The following ANGEL2 variants were observed in gnomAD, a reference collection of about 807,000 sequenced individuals.
ANGEL2 encodes angel homolog 2.
In ANGEL2, 41 loss-of-function variants were observed where a neutral mutation model predicts 66.0. That is an observed-to-expected ratio of 0.62 (90% CI 0.48 to 0.81). The LOEUF (loss-of-function observed/expected upper bound fraction) is 0.81, where lower values mean the gene tolerates loss of function less well. Among genes scored for constraint, ANGEL2 ranks in the 30% least tolerant of loss-of-function variants. The probability of loss-of-function intolerance (pLI) is 0.00; values close to 1 mark genes in which losing one functional copy is unlikely to be tolerated. For synonymous variants in ANGEL2, 208 were observed against 226.5 expected (o/e 0.92, Z 0.73); for missense variants, 561 against 641.6 (o/e 0.87, Z 1.36).
Position 212,993,042 on chromosome 1 carries a change from C to T in ANGEL2, c.*1999G>A, listed in dbSNP as rs1389498675. 3 of 152,226 alleles carry T rather than the reference C, an allele frequency of 2.0e-5. No individual in the cohort carries two copies. The highest frequency in any genetic ancestry group is 1.3e-4 in the Admixed American group (2 of 15,282). 9.4% of individuals were successfully genotyped at this position (152,226 alleles called of 1,614,324 possible). On this transcript the variant is annotated 3_prime_UTR_variant, in exon 9 of 9. Coordinates refer to ENST00000366962, the MANE Select transcript of ANGEL2 (RefSeq NM_144567.5). ...CCCCCAAAGGCCAGGCATGGTGGCT[C>T]ATGCCTGTAATCACAGCACTTTGGG...
intron 2 of ANGEL2, chr1:213,011,286 G>A: frequency 7.8e-7 from 1 of 1,279,932 alleles, no homozygotes; most frequent in Non-Finnish European, 1.0e-6. Flanking sequence ...GGCCTGATCA[G>A]GTTTTTAGGG....
At chr1:213,011,254 G>A (rs1292872039) in intron 2 of ANGEL2, 2 of 1,288,896 alleles carry the variant, frequency 1.6e-6, no homozygotes, top group Non-Finnish European at 2.0e-6. Context: ...GAAGACAGAT[G>A]AATCAAAGAA....
At chr1:213,008,162 C>A in intron 3 of ANGEL2, 48 bp downstream of exon 3, 1 of 1,583,182 alleles carries the variant, frequency 6.3e-7, no homozygotes, top group Non-Finnish European at 8.6e-7. Context: ...GTGTGCCCGG[C>A]CCCAACTTTT....
At chr1:213,009,717 T>C (rs2076444929) in intron 2 of ANGEL2, among the ~76,000 whole-genome samples, 1 of 152,202 alleles carries the variant, frequency 6.6e-6, no homozygotes, top group Non-Finnish European at 1.5e-5. Flanking sequence ...AATCAAAATA[T>C]CAATATGCTA....
At chr1:213,012,947 C>A (rs2076545276) in intron 2 of ANGEL2, 146 bp downstream of exon 2, 2 of 714,824 alleles carry the variant, frequency 2.8e-6, no homozygotes, top group Non-Finnish European at 4.5e-6. Context: ...AGGAAGAATT[C>A]ATTTTTTTCT....
chr1:212,993,965 A>C lies in ANGEL2; in HGVS notation c.*1076T>G, dbSNP rs1367597823. 3 of 152,178 alleles carry C rather than the reference A, an allele frequency of 2.0e-5. No homozygotes were observed. Among genetic ancestry groups the C allele is most frequent in the Non-Finnish European group, 4.4e-5 (3 of 68,032 alleles). 9.4% of individuals were successfully genotyped at this position (152,178 alleles called of 1,614,324 possible). A position where few individuals can be genotyped will look rare whatever the true frequency, so the allele number is the denominator to read the frequency against. On this transcript the variant is annotated 3_prime_UTR_variant, in exon 9 of 9. Transcript: ENST00000366962. The stretch of plus-strand genomic sequence containing the variant: ...TCAGTAAAATAAAATCTCTCCCCTA[A>C]ACCAGAGATCTTAAAACTGAATTTT...
rs978727722 is a variant in ANGEL2 at position 212,996,683 on chromosome 1, C to A, written c.1483+472G>T. Reference sequence around the variant, plus strand: ...TATATATATATATACTTTTCCTCCTCAGAAAAATCCAATATTCCAGAGTCA... The same window carrying A: ...TATATATATATATACTTTTCCTCCTAAGAAAAATCCAATATTCCAGAGTCA... On this transcript the variant is annotated intron_variant, in intron 8 of 8. Transcript: ENST00000366962. Among the ~76,000 whole-genome samples, 12 of 125,388 alleles carry A rather than the reference C, an allele frequency of 9.6e-5. No homozygotes were observed. In the East Asian group the frequency reaches 3.0e-3, roughly 32 times the overall value. The allele number at this position is 125,388 out of a possible 152,430, so 82.3% of individuals were successfully genotyped here. A position where few individuals can be genotyped will look rare whatever the true frequency, so the allele number is the denominator to read the frequency against.
intron 7 of ANGEL2, 94 bp downstream of exon 7, chr1:213,000,232 T>C: frequency 8.2e-7 from 1 of 1,222,984 alleles, no homozygotes; most frequent in Admixed American, 1.8e-5. Flanking sequence ...CGGAATACTA[T>C]CACCTTCATT....
At position 213,013,273 on chromosome 1, in the gene ANGEL2, A is replaced by T; in HGVS notation, c.205T>A (p.Phe69Ile). ...TTTAGTGAAAAATGCCTACTACTGA[A>T]GTATGGGTAAGGAGCTCGAGAGTAA... ...GHYSRAPYPY[F>I]SSRHFSLNWR... The change falls in exon 2 of 9, where the codon TTC becomes ATC. Residue 69 changes from phenylalanine (F) to isoleucine (I), a missense_variant. Coordinates refer to ENST00000366962, the MANE Select transcript of ANGEL2 (RefSeq NM_144567.5). 6.2e-7 allele frequency: 1 copy of T among 1,612,440 alleles called. No individual in the cohort carries two copies. The highest frequency in any genetic ancestry group is 8.5e-7 in the Non-Finnish European group (1 of 1,178,344).
At chr1:213,011,586 G>T (rs1426956857) in intron 2 of ANGEL2, 18 of 466,694 alleles carry the variant, frequency 3.9e-5, no homozygotes, top group Non-Finnish European at 4.9e-5. Context: ...AGCCAACAGT[G>T]TGTTAGGCAC....
chr1:213,014,610 C>T (rs1264565627), intron 1 of ANGEL2, among the ~76,000 whole-genome samples: 6 of 152,190 alleles, frequency 3.9e-5, no homozygotes, highest in Non-Finnish European at 8.8e-5. Flanking sequence ...AAGCTATTAT[C>T]TATATTTGCA....
chr1:213,004,514 C>G (rs2076264457), intron 5 of ANGEL2, among the ~76,000 whole-genome samples: 1 of 151,334 alleles, frequency 6.6e-6, no homozygotes, highest in Non-Finnish European at 1.5e-5. Flanking sequence ...GTTAATTCCT[C>G]CAAGCAGTAT....
intron 3 of ANGEL2, among the ~76,000 whole-genome samples, chr1:213,007,785 T>C (rs1160305281): frequency 6.6e-6 from 1 of 152,178 alleles, no homozygotes; most frequent in Non-Finnish European, 1.5e-5. Context: ...ATTCCTTTCT[T>C]ACCCCACAAA....
chr1:213,012,358 T>C (rs761263853), intron 2 of ANGEL2, among the ~76,000 whole-genome samples: 3 of 152,200 alleles, frequency 2.0e-5, no homozygotes, highest in Non-Finnish European at 4.4e-5. Context: ...TTCCAAATTC[T>C]ACCTAGACAC....
intron 5 of ANGEL2, among the ~76,000 whole-genome samples, chr1:213,003,021 TTGCTGC>T (rs2076221170): frequency 6.6e-6 from 1 of 152,228 alleles, no homozygotes; most frequent in Admixed American, 6.5e-5. Context: ...TCAGCAGCAC[TTGCTGC>T]TTTACCTGTA....
At chr1:213,007,337 T>C in intron 3 of ANGEL2, 139 bp from the exon 4 acceptor site, 1 of 678,978 alleles carries the variant, frequency 1.5e-6, no homozygotes, top group Non-Finnish European at 2.4e-6. Context: ...CTTACCTGTT[T>C]TTCTTGTTAT....
At chr1:212,998,188 C>T (rs936222577) in intron 7 of ANGEL2, among the ~76,000 whole-genome samples, 5 of 148,718 alleles carry the variant, frequency 3.4e-5, no homozygotes, top group African/African-American at 1.0e-4. Flanking sequence ...CTCAGGAGCT[C>T]GAGACCAGCC....
At chr1:213,015,550 CCCGCCCGCTCTTTCAGG>C (rs1558197301) in intron 1 of ANGEL2, 46 bp downstream of exon 1, 2 of 1,597,548 alleles carry the variant, frequency 1.3e-6, no homozygotes, top group Non-Finnish European at 1.7e-6. Context: ...GTCCCGGACG[CCCGCCCGCTCTTTCAGG>C]CCGCCCGCCC....
intron 7 of ANGEL2, among the ~76,000 whole-genome samples, chr1:212,999,405 T>C (rs2076117172): frequency 1.3e-5 from 2 of 152,242 alleles, no homozygotes; most frequent in Admixed American, 6.5e-5. Context: ...ATTAATCTTA[T>C]TCAAAGAAGT....
Sources: allele counts gnomAD v4.1 joint callset (sites outside exome capture counted in the v4.1 genomes callset), GRCh38; gene constraint gnomAD v4.1.1; transcripts MANE v1.5; gene names NCBI Gene and HGNC (gene_info 2026-07-23, HGNC 2026-07-21).